The following ACADVL variants were observed in gnomAD, a reference collection of about 807,000 sequenced individuals.
The protein encoded by ACADVL is very long-chain acyl-CoA dehydrogenase, mitochondrial.
A neutral mutation model predicts 80.4 loss-of-function variants in ACADVL; 73 were observed. The ratio of observed to expected loss-of-function variants is 0.91; its 90% CI spans 0.75 to 1.10. The LOEUF (loss-of-function observed/expected upper bound fraction) is 1.10. Among genes scored for constraint, ACADVL ranks in the 50% least tolerant of loss-of-function variants. ACADVL has a pLI of 0.00. For synonymous variants in ACADVL, 392 were observed against 326.5 expected (o/e 1.20, Z -2.16); for missense variants, 878 against 858.9 (o/e 1.02, Z -0.28).
chr17:7,218,757 G>A (rs367945726), upstream of ACADVL: 79 of 1,596,638 alleles, frequency 4.9e-5, no homozygotes, highest in Non-Finnish European at 9.4e-6. Context: ...AAAGATTTGG[G>A]GAGAAGGATC....
At chr17:7,221,170 C>T (rs770751383) in intron 6 of ACADVL, 112 bp downstream of exon 6, 7 of 1,545,680 alleles carry the variant, frequency 4.5e-6, no homozygotes, top group Non-Finnish European at 6.2e-6. Context: ...AGCACCTGCC[C>T]TGGGTGCCTG....
In ACADVL at chr17:7,220,021, C is replaced by G; in HGVS notation, c.37C>G (p.Gln13Glu). 1 of 1,605,362 alleles carries G rather than the reference C, an allele frequency of 6.2e-7. No individual in the cohort carries two copies. ...TCGGATGGCCGCGAGCTTGGGGCGG[C>G]AGCTGCTGAGGCTCGGGGGCGGAAG... ...AARMAASLGR[Q>E]LLRLGGGSSR... The change falls in exon 1 of 20, where the codon CAG becomes GAG. Residue 13 changes from glutamine (Q) to glutamate (E), a missense_variant. By Grantham distance (29) the Gln-to-Glu change is conservative. Coordinates refer to ENST00000356839, the MANE Select transcript of ACADVL (RefSeq NM_000018.4).
In ACADVL at chr17:7,219,970, C is replaced by T; in HGVS notation, c.-15C>T. 6.3e-7 allele frequency: 1 copy of T among 1,597,772 alleles called. No homozygotes were observed. Among genetic ancestry groups the T allele is most frequent in the Non-Finnish European group, 8.5e-7 (1 of 1,176,086 alleles). On this transcript the variant is annotated 5_prime_UTR_variant, in exon 1 of 20. Coordinates refer to ENST00000356839, the MANE Select transcript of ACADVL (RefSeq NM_000018.4). Reference sequence around the variant, plus strand: ...GGTCAGAGCTCGAGCCAGCGGCGCCCGGAGAGATTCGGAGATGCAGGCGGC... The same window carrying T: ...GGTCAGAGCTCGAGCCAGCGGCGCCTGGAGAGATTCGGAGATGCAGGCGGC...
Position 7,222,029 on chromosome 17 carries a change from C to T in ACADVL, c.700C>T (p.Pro234Ser). The change falls in exon 8 of 20, where the codon CCC (proline) becomes TCC (serine). Residue 234 changes from proline (P) to serine (S), a missense_variant. Coordinates refer to ENST00000356839, the MANE Select transcript of ACADVL (RefSeq NM_000018.4). ...DAASIRTSAV[P>S]SPCGKYYTLN... ...AGCCTCCATCCGAACCTCTGCTGTG[C>T]CCAGCCCCTGTGGAAAATACTATAC... 1 of 1,614,144 alleles carries T rather than the reference C, an allele frequency of 6.2e-7. No individual in the cohort carries two copies. Among genetic ancestry groups the T allele is most frequent in the Non-Finnish European group, 8.5e-7 (1 of 1,180,024 alleles).
Position 7,221,544 on chromosome 17 carries a change from C to T in ACADVL, c.484C>T (p.Arg162Cys), listed in dbSNP as rs751423064. ...GVGLCNTQYA[R>C]LVEIVGMHDL... is the part of the protein sequence containing the mutation. ...ATTCCTGCTTCCCCTCCAGTACGCC[C>T]GTTTGGTGGAGATCGTGGGCATGCA... is the stretch of plus-strand genomic sequence containing the variant. Residue 162 changes from arginine (R) to cysteine (C), a missense_variant, in exon 7 of 20, where the codon CGT becomes TGT. By Grantham distance (180) the Arg-to-Cys change is radical. Coordinates refer to ENST00000356839, the MANE Select transcript of ACADVL (RefSeq NM_000018.4). The T allele has an allele frequency of 1.7e-5, 27 of 1,614,126 alleles. No individual in the cohort carries two copies. The highest frequency in any genetic ancestry group is 8.8e-5 in the South Asian group (8 of 91,088).
intron 11 of ACADVL, 58 bp from the exon 12 acceptor site, chr17:7,223,586 C>T: frequency 1.3e-6 from 2 of 1,586,634 alleles, no homozygotes; most frequent in South Asian, 2.2e-5. Context: ...GTGATGAGGC[C>T]AAGTCTGACA....
rs2071384555 is a variant in ACADVL at position 7,224,525 on chromosome 17, C to A, written c.1651C>A (p.Leu551Met). 6.2e-7 allele frequency: 1 copy of A among 1,613,002 alleles called. No homozygotes were observed. Among genetic ancestry groups the A allele is most frequent in the Non-Finnish European group, 8.5e-7 (1 of 1,180,008 alleles). Residue 551 changes from leucine (L) to methionine (M), a missense_variant, in exon 17 of 20, where the codon CTG becomes ATG. Leu to Met is a conservative substitution (Grantham distance 15). Coordinates refer to ENST00000356839, the MANE Select transcript of ACADVL (RefSeq NM_000018.4). ...GTTTGCCACTGTGGTGGAGGCCAAG[C>A]TGATAAAACACAAGAAGGGGATTGT... ...EQFATVVEAKLIKHKKGIVNE... is the reference protein window; with the variant it reads ...EQFATVVEAKMIKHKKGIVNE...
In ACADVL at chr17:7,224,412, A is replaced by G; in HGVS notation, c.1605+19A>G. 1 of 1,613,834 alleles carries G rather than the reference A, an allele frequency of 6.2e-7. No individual in the cohort carries two copies. Among genetic ancestry groups the G allele is most frequent in the Non-Finnish European group, 8.5e-7 (1 of 1,179,934 alleles). On this transcript the variant is annotated intron_variant, in intron 16 of 19. Coordinates refer to ENST00000356839, the MANE Select transcript of ACADVL (RefSeq NM_000018.4). ...CGAGCTGGTAAGTGGCCAGGGGTCC[A>G]GGAGAGCCTGCATCAGGGACTGCAG...
intron 3 of ACADVL, 33 bp from the exon 4 acceptor site, chr17:7,220,571 C>T: frequency 1.2e-6 from 2 of 1,614,224 alleles, no homozygotes; most frequent in Non-Finnish European, 1.7e-6. Flanking sequence ...CCAGACCCAA[C>T]CAGAGCCCTG....
upstream of ACADVL, chr17:7,218,872 C>T (rs1027929325): frequency 1.9e-6 from 3 of 1,613,080 alleles, no homozygotes; most frequent in Middle Eastern, 3.3e-4. Flanking sequence ...TCACTTTAAT[C>T]TCCCTAATCC....
At position 7,219,993 on chromosome 17, in the gene ACADVL, G is replaced by C. The variant is rs1331036812; in HGVS notation, c.9G>C (p.Ala3=). The part of the protein sequence containing the change: MQ[A]ARMAASLGRQ... ...CCCGGAGAGATTCGGAGATGCAGGC[G>C]GCTCGGATGGCCGCGAGCTTGGGGC... is the stretch of plus-strand genomic sequence containing the variant. The change falls in exon 1 of 20, where the codon GCG becomes GCC. Residue 3 remains alanine, a synonymous_variant. Transcript: ENST00000356839. 1.2e-6 allele frequency: 2 copies of C among 1,603,012 alleles called. No individual in the cohort carries two copies. The highest frequency in any genetic ancestry group is 3.4e-5 in the Admixed American group (2 of 59,258).
chr17:7,224,733 A>C lies in ACADVL; in HGVS notation c.1751+19A>C. Reference sequence around the variant, plus strand: ...TCTCGAGGTGAGGAGGCAGGCAGGGAATGCCTGAGCCGCAGGGGGCCTGGG... The same window carrying C: ...TCTCGAGGTGAGGAGGCAGGCAGGGCATGCCTGAGCCGCAGGGGGCCTGGG... On this transcript the variant is annotated intron_variant, in intron 18 of 19. Coordinates refer to ENST00000356839, the MANE Select transcript of ACADVL (RefSeq NM_000018.4). 1 of 1,608,240 alleles carries C rather than the reference A, an allele frequency of 6.2e-7. No individual in the cohort carries two copies. The highest frequency in any genetic ancestry group is 8.5e-7 in the Non-Finnish European group (1 of 1,177,964).
upstream of ACADVL, chr17:7,219,451 T>C: frequency 9.7e-7 from 1 of 1,027,392 alleles, no homozygotes; most frequent in Non-Finnish European, 1.2e-6. Context: ...GGCCTACATC[T>C]CAGAAGAATA....
chr17:7,223,971 C>T lies in ACADVL; in HGVS notation c.1336C>T (p.Pro446Ser). ...IMGGMGFMKE[P>S]GVERVLRDLR... ...AATTTGTGTGGCCCTGTGCTAGGAA[C>T]CTGGAGTAGAGCGTGTGCTCCGAGA... Residue 446 changes from proline to serine, a missense_variant, in exon 14 of 20, where the codon CCT (proline) becomes TCT (serine). Coordinates refer to ENST00000356839, the MANE Select transcript of ACADVL (RefSeq NM_000018.4). The T allele has an allele frequency of 6.2e-7, 1 of 1,613,526 alleles. No homozygotes were observed.
intron 11 of ACADVL, 126 bp downstream of exon 11, chr17:7,223,363 C>T (rs771412719): frequency 6.3e-6 from 6 of 949,864 alleles, no homozygotes; most frequent in African/African-American, 3.2e-5. Flanking sequence ...CTAGGGGATG[C>T]GGGGAGGCAT....
At chr17:7,224,784 ATT>A (rs1428877541) in intron 18 of ACADVL, 23 bp from the exon 19 acceptor site, 3 of 1,613,688 alleles carry the variant, frequency 1.9e-6, no homozygotes, top group Non-Finnish European at 2.5e-6. Context: ...GCCCAGATTT[ATT>A]TTCATCTCCT....
At chr17:7,222,631 A>C in intron 9 of ACADVL, 36 bp from the exon 10 acceptor site, 5 of 1,581,270 alleles carry the variant, frequency 3.2e-6, no homozygotes, top group Non-Finnish European at 4.3e-6. Flanking sequence ...CAACCTGTTG[A>C]ACACACCTCT....
At position 7,222,772 on chromosome 17, in the gene ACADVL, T is replaced by C. The variant is rs148803927; in HGVS notation, c.984T>C (p.Ser328=). ...AGAACGTGCTGGGTGAGGTTGGGAG[T>C]GGCTTCAAGGTTGCCATGCACATCC... The part of the protein sequence containing the change: ...PSENVLGEVG[S]GFKVAMHILN... The change falls in exon 10 of 20, where the codon AGT becomes AGC. Residue 328 remains serine (S), a synonymous_variant. Transcript: ENST00000356839. The C allele has an allele frequency of 6.2e-6, 10 of 1,613,694 alleles. No individual in the cohort carries two copies. In the African/African-American group the frequency reaches 1.2e-4, roughly 19 times the overall value.
chr17:7,223,023 G>A, intron 10 of ACADVL, 110 bp from the exon 11 acceptor site: 1 of 1,450,936 alleles, frequency 6.9e-7, no homozygotes. Flanking sequence ...AGCGTAGACT[G>A]AACTCTGGTT....
Sources: gnomAD v4.1 joint callset for allele counts on GRCh38, gnomAD v4.1.1 for gene constraint, MANE v1.5 for transcripts, NCBI Gene and HGNC (gene_info 2026-07-23, HGNC 2026-07-21) for gene names.